The following TBXAS1 variants were observed in gnomAD, a reference collection of about 807,000 sequenced individuals.
TBXAS1 encodes thromboxane-A synthase.
In TBXAS1, 48 loss-of-function variants were observed where a neutral mutation model predicts 60.7. That is an observed-to-expected ratio of 0.79 (90% CI 0.63 to 1.01). The LOEUF (loss-of-function observed/expected upper bound fraction) is 1.01. TBXAS1 is among the 50% of genes least tolerant of loss of function. TBXAS1 has a pLI of 0.00. For synonymous variants in TBXAS1, 287 were observed against 269.7 expected, an observed-to-expected ratio of 1.06 and a Z score of -0.63; for missense variants, 685 against 686.3, an observed-to-expected ratio of 1.00 and a Z score of 0.02.
chr7:139,813,564 T>C (rs1798076382), intron 4 of TBXAS1, among the ~76,000 whole-genome samples: 1 of 152,206 alleles, frequency 6.6e-6, no homozygotes, highest in Non-Finnish European at 1.5e-5. Context: ...ATAACATCCA[T>C]CATAGAGTTA....
At chr7:139,826,799 A>G (rs1291919148), upstream of TBXAS1, among the ~76,000 whole-genome samples, 1 of 152,094 alleles carries the variant, frequency 6.6e-6, no homozygotes, top group African/African-American at 2.4e-5. Flanking sequence ...TATTATTCAT[A>G]TTTTCAGCCA....
chr7:139,998,693 T>G lies in TBXAS1; in HGVS notation c.1135-8398T>G, dbSNP rs576769437. Reference sequence around the variant, plus strand: ...GGCAAAACACTATTATTATTCTAGATCTCTGCAGACAGCAATTTCTGCAGC... The same window carrying G: ...GGCAAAACACTATTATTATTCTAGAGCTCTGCAGACAGCAATTTCTGCAGC... On this transcript the variant is annotated intron_variant, in intron 9 of 12. Transcript: ENST00000448866. 1.1e-4 allele frequency among the ~76,000 whole-genome samples: 16 copies of G among 152,354 alleles called. No homozygotes were observed. The South Asian group carries it at 3.3e-3, about 32-fold the overall frequency.
chr7:139,965,329 G>A (rs1041908262), intron 9 of TBXAS1, among the ~76,000 whole-genome samples: 2 of 152,200 alleles, frequency 1.3e-5, no homozygotes, highest in African/African-American at 4.8e-5. Flanking sequence ...TGAGTTTAGT[G>A]TGCATAAAAG....
chr7:140,009,984 CCACACCCGCTCCACACCCGCTT>C (rs1431705014), intron 10 of TBXAS1, among the ~76,000 whole-genome samples: 5 of 129,278 alleles, frequency 3.9e-5, no homozygotes, highest in African/African-American at 1.2e-4. Context: ...CACACCTGCC[CCACACCCGCTCCACACCCGCTT>C]CACACCCGCT....
At chr7:139,849,385 A>G (rs1800049387) in intron 1 of TBXAS1, among the ~76,000 whole-genome samples, 2 of 138,516 alleles carry the variant, frequency 1.4e-5, no homozygotes, top group Admixed American at 1.6e-4. Context: ...AAAAAACACA[A>G]AAAACAAAAA....
intron 4 of TBXAS1, among the ~76,000 whole-genome samples, chr7:139,802,649 G>A (rs1187860846): frequency 1.3e-5 from 2 of 152,192 alleles, no homozygotes; most frequent in Non-Finnish European, 2.9e-5. Flanking sequence ...GCTGGGTGTG[G>A]TGGCGTGTGC....
At chr7:139,865,895 A>G in intron 1 of TBXAS1, among the ~76,000 whole-genome samples, 1 of 123,210 alleles carries the variant, frequency 8.1e-6, no homozygotes. Flanking sequence ...AGGAGGAAGG[A>G]GGGAGGGAGG....
intron 7 of TBXAS1, 140 bp from the exon 8 acceptor site, chr7:139,957,494 A>T: frequency 9.4e-7 from 1 of 1,064,438 alleles, no homozygotes; most frequent in Non-Finnish European, 1.4e-6. Context: ...TGCTCTCAGA[A>T]GCAGCAGTGC....
rs975541916 is a variant in TBXAS1 at position 140,004,981 on chromosome 7, C to T, written c.1135-2110C>T. Among the ~76,000 whole-genome samples the T allele has an allele frequency of 4.6e-5, 7 of 152,168 alleles. No homozygotes were observed. The highest frequency in any genetic ancestry group is 7.4e-5 in the Non-Finnish European group (5 of 68,020). ...ATCCTGGCCCTCTCTGTGCCTGTACCCAGGACCCTGTGAAGTGTGGACAGC... is the reference window on the plus strand; with the variant it reads ...ATCCTGGCCCTCTCTGTGCCTGTACTCAGGACCCTGTGAAGTGTGGACAGC... On this transcript the variant is annotated intron_variant, in intron 9 of 12. Coordinates refer to ENST00000448866, the MANE Select transcript of TBXAS1 (RefSeq NM_001061.7). This position sits in a 1 kb window ranked among gnomAD's most constrained non-coding sequence, Gnocchi z 5.1.
chr7:139,845,823 GTTTTT>G (rs11330197), intron 1 of TBXAS1, among the ~76,000 whole-genome samples: 11 of 130,224 alleles, frequency 8.4e-5, no homozygotes, highest in Non-Finnish European at 1.6e-4. Flanking sequence ...TTGAACTCTA[GTTTTT>G]TTTTTTTTTT....
At chr7:139,835,504 G>A (rs1484857902) in intron 1 of TBXAS1, among the ~76,000 whole-genome samples, 6 of 152,074 alleles carry the variant, frequency 3.9e-5, no homozygotes, top group Non-Finnish European at 7.4e-5. Context: ...AATGTGATAC[G>A]CCACATAAAC....
rs1802013090 is a variant in TBXAS1 at position 139,873,844 on chromosome 7, A to G, written c.183+1516A>G. Among the ~76,000 whole-genome samples the G allele has an allele frequency of 2.0e-5, 3 of 152,164 alleles. No homozygotes were observed. The South Asian group carries it at 6.2e-4, about 32-fold the overall frequency. ...CTCCAGACCCAACGCCAGGAGCCGG[A>G]ACACCCTGCATGGGAAGAACCACCA... On this transcript the variant is annotated intron_variant, in intron 2 of 12. Coordinates refer to ENST00000448866, the MANE Select transcript of TBXAS1 (RefSeq NM_001061.7).
At chr7:139,917,981 A>G (rs1806136869) in intron 4 of TBXAS1, among the ~76,000 whole-genome samples, 1 of 152,228 alleles carries the variant, frequency 6.6e-6, no homozygotes, top group South Asian at 2.1e-4. Context: ...AGAGAAATAA[A>G]CCATAAAATC....
chr7:139,821,869 G>A (rs1199081544), intron 4 of TBXAS1, among the ~76,000 whole-genome samples: 1 of 152,188 alleles, frequency 6.6e-6, no homozygotes, highest in Non-Finnish European at 1.5e-5. Context: ...TGGCCGTAAT[G>A]ACCACATTGC....
Position 139,962,241 on chromosome 7 carries a change from C to A in TBXAS1, c.1134+8C>A, listed in dbSNP as rs1013075068. The A allele has an allele frequency of 2.5e-6, 4 of 1,613,866 alleles. No individual in the cohort carries two copies. The African/African-American group carries it at 5.3e-5, about 22-fold the overall frequency. On this transcript the variant is annotated splice_region_variant and intron_variant, in intron 9 of 12. Transcript: ENST00000448866. ...GTTTTTAAGGAGAAACACGTGAGTA[C>A]AAGTTGGATCCAGTTACCCATGGGA... is the stretch of plus-strand genomic sequence containing the variant.
intron 1 of TBXAS1, among the ~76,000 whole-genome samples, chr7:139,869,386 C>T (rs911216292): frequency 1.3e-5 from 2 of 151,912 alleles, no homozygotes; most frequent in Non-Finnish European, 2.9e-5. Flanking sequence ...TTCAGTATGA[C>T]TTTATTTATT....
chr7:139,851,475 T>A (rs981017824), intron 1 of TBXAS1, among the ~76,000 whole-genome samples: 2 of 152,248 alleles, frequency 1.3e-5, no homozygotes, highest in African/African-American at 4.8e-5. Flanking sequence ...CATACAGTTT[T>A]CTGAAATCTT....
chr7:139,957,867 G>A (rs533610609), intron 8 of TBXAS1, 103 bp downstream of exon 8: 36 of 1,529,794 alleles, frequency 2.4e-5, no homozygotes, highest in East Asian at 1.9e-4. Context: ...ACATCACACC[G>A]TGCCGTCCTT....
chr7:139,822,837 G>A (rs1358760514), intron 4 of TBXAS1, among the ~76,000 whole-genome samples: 1 of 152,074 alleles, frequency 6.6e-6, no homozygotes, highest in African/African-American at 2.4e-5. Flanking sequence ...TAGCTGACCC[G>A]CAGCCTCCTG....
Sources: gnomAD v4.1 joint callset for allele counts (sites outside exome capture counted in the v4.1 genomes callset) on GRCh38, gnomAD v4.1.1 for gene constraint, Gnocchi (gnomAD v3.1) non-coding constraint, MANE v1.5 for transcripts, NCBI Gene and HGNC (gene_info 2026-07-23, HGNC 2026-07-21) for gene names.